Variants in SEC24A observed in about 807,000 individuals in gnomAD.
The protein encoded by SEC24A is protein transport protein Sec24A.
In SEC24A, 93 loss-of-function variants were observed where a neutral mutation model predicts 129.4. The observed-to-expected ratio is 0.72, with a 90% confidence interval of 0.61 to 0.85. The LOEUF is 0.85. Ranked by LOEUF, SEC24A falls within the 40% of genes least tolerant of loss-of-function variation. The pLI, the probability that SEC24A is intolerant of heterozygous loss-of-function variation, is 0.00. For missense variants in SEC24A, 1,264 were observed against 1,307.4 expected (o/e 0.97, Z 0.51); for synonymous variants, 460 against 467.3 (o/e 0.98, Z 0.20).
chr5:134,714,829 A>G (rs1752431338), intron 18 of SEC24A, among the ~76,000 whole-genome samples, 195 bp from the exon 19 acceptor site: 1 of 152,212 alleles, frequency 6.6e-6, no homozygotes, highest in South Asian at 2.1e-4. Flanking sequence ...AGTTAATTTC[A>G]AAAGACTTTT....
chr5:134,686,864 G>T lies in SEC24A; in HGVS notation c.1566G>T (p.Leu522Phe), dbSNP rs762314911. The change falls in exon 10 of 23, where the codon TTG (leucine) becomes TTT (phenylalanine). Residue 522 changes from leucine to phenylalanine, a missense_variant. Leu to Phe is a conservative substitution (Grantham distance 22, BLOSUM62 0). Coordinates refer to ENST00000398844, the MANE Select transcript of SEC24A (RefSeq NM_021982.3). Reference sequence around the variant, plus strand: ...ACAATGCAGTCGAAACTGGATACTTGAATTCAGTTTGCCAGAGTTTGTTAG... The same window carrying T: ...ACAATGCAGTCGAAACTGGATACTTTAATTCAGTTTGCCAGAGTTTGTTAG... Reference protein sequence around the residue: ...VSHNAVETGYLNSVCQSLLDN... With the variant: ...VSHNAVETGYFNSVCQSLLDN... 4 of 1,610,226 alleles carry T rather than the reference G, an allele frequency of 2.5e-6. No homozygotes were observed. Among genetic ancestry groups the T allele is most frequent in the Non-Finnish European group, 3.4e-6 (4 of 1,178,036 alleles).
chr5:134,659,339 TGGGATTATA>T (rs894374500), intron 1 of SEC24A, among the ~76,000 whole-genome samples: 3 of 152,142 alleles, frequency 2.0e-5, no homozygotes, highest in Admixed American at 2.0e-4. Context: ...CCCAAAGTGC[TGGGATTATA>T]GGCGTGAGCC....
At chr5:134,694,121 T>C (rs190286628) in intron 13 of SEC24A, among the ~76,000 whole-genome samples, 188 bp downstream of exon 13, 39 of 152,324 alleles carry the variant, frequency 2.6e-4, no homozygotes, top group African/African-American at 7.7e-4. Context: ...CCTTAATTTT[T>C]AGTATCTTTA....
At position 134,666,972 on chromosome 5, in the gene SEC24A, T is replaced by C. The variant is rs1188874479; in HGVS notation, c.715T>C (p.Phe239Leu). 5 of 1,578,092 alleles carry C rather than the reference T, an allele frequency of 3.2e-6. No homozygotes were observed. Among genetic ancestry groups the C allele is most frequent in the Non-Finnish European group, 4.3e-6 (5 of 1,168,202 alleles). Residue 239 changes from phenylalanine to leucine, a missense_variant, in exon 3 of 23, where the codon TTT (phenylalanine) becomes CTT (leucine). By Grantham distance (22) the Phe-to-Leu change is conservative (BLOSUM62 0). Transcript: ENST00000398844. ...ATATAGAGATGTACCCCAGCCCTTA[T>C]TTAATTCAGCTGTCAACCAAGAAGG... ...SSYRDVPQPL[F>L]NSAVNQEGIT...
chr5:134,693,262 TAC>T (rs2150097407), intron 12 of SEC24A: 1 of 1,453,132 alleles, frequency 6.9e-7, no homozygotes, highest in South Asian at 1.4e-5. Context: ...ACTCTATTTG[TAC>T]AACCTAACCT....
chr5:134,696,877 C>T (rs895600713), intron 13 of SEC24A, among the ~76,000 whole-genome samples: 2 of 151,876 alleles, frequency 1.3e-5, no homozygotes, highest in African/African-American at 4.8e-5. Flanking sequence ...GTCCACCCGC[C>T]TTGGCTTCCC....
intron 17 of SEC24A, among the ~76,000 whole-genome samples, chr5:134,707,476 C>T (rs1020485966): frequency 1.3e-5 from 2 of 151,868 alleles, no homozygotes; most frequent in Non-Finnish European, 2.9e-5. Flanking sequence ...ACTACAGGCG[C>T]CCGCCATCAC....
At chr5:134,659,676 A>G (rs1354459389) in intron 1 of SEC24A, among the ~76,000 whole-genome samples, 1 of 142,454 alleles carries the variant, frequency 7.0e-6, no homozygotes, top group Admixed American at 7.3e-5. Flanking sequence ...GAGACAGGAT[A>G]CAGGGTCTCA....
intron 13 of SEC24A, among the ~76,000 whole-genome samples, chr5:134,694,503 CG>C (rs1004453259): frequency 2.0e-5 from 3 of 151,852 alleles, no homozygotes; most frequent in African/African-American, 7.3e-5. Flanking sequence ...AAAAATTAGC[CG>C]GGTGTGGTGG....
At chr5:134,667,660 A>C (rs527600806) in intron 3 of SEC24A, among the ~76,000 whole-genome samples, 6 of 151,046 alleles carry the variant, frequency 4.0e-5, no homozygotes, top group East Asian at 1.9e-4. Context: ...TCTCAAAAAA[A>C]AAAAAAAACA....
chr5:134,653,982 C>A (rs1395542417), intron 1 of SEC24A, among the ~76,000 whole-genome samples: 2 of 151,902 alleles, frequency 1.3e-5, no homozygotes, highest in East Asian at 3.9e-4. Context: ...CATAGGAAGA[C>A]CCCATATCTA....
intron 21 of SEC24A, among the ~76,000 whole-genome samples, chr5:134,721,561 C>CAAAAAA (rs757908828): frequency 1.8e-5 from 1 of 55,416 alleles, no homozygotes; most frequent in Admixed American, 2.1e-4. Flanking sequence ...GACTCCATCT[C>CAAAAAA]AAAAAAAAAA....
At chr5:134,706,492 G>A (rs927450960) in intron 17 of SEC24A, among the ~76,000 whole-genome samples, 68 of 151,950 alleles carry the variant, frequency 4.5e-4, no homozygotes, top group African/African-American at 1.2e-3. Flanking sequence ...GACTTCAGTC[G>A]GTCCATTTTC....
intron 1 of SEC24A, among the ~76,000 whole-genome samples, chr5:134,656,978 A>G (rs1266436553): frequency 6.6e-6 from 1 of 151,374 alleles, no homozygotes; most frequent in Non-Finnish European, 1.5e-5. Context: ...TGAGCCCAGG[A>G]GTTCGAGACC....
At position 134,715,100 on chromosome 5, in the gene SEC24A, T is replaced by C. The variant is rs771534637; in HGVS notation, c.2804T>C (p.Leu935Ser). Residue 935 changes from leucine to serine, a missense_variant, in exon 19 of 23, where the codon TTG (leucine) becomes TCG (serine). By Grantham distance (145) the Leu-to-Ser change is moderately radical. Coordinates refer to ENST00000398844, the MANE Select transcript of SEC24A (RefSeq NM_021982.3). ...FAMCQVKNQPLVYLMLTTHPS... is the reference protein window; with the variant it reads ...FAMCQVKNQPSVYLMLTTHPS... ...ATGTGTCAAGTGAAAAACCAGCCCT[T>C]GGTTTACCTTATGCTCACAACTCAT... 9.3e-6 allele frequency: 15 copies of C among 1,612,268 alleles called. No individual in the cohort carries two copies. The highest frequency in any genetic ancestry group is 3.4e-5 in the Admixed American group (2 of 59,528).
chr5:134,703,653 A>G (rs182323638), intron 15 of SEC24A, 106 bp from the exon 16 acceptor site: 2 of 725,776 alleles, frequency 2.8e-6, no homozygotes, highest in Non-Finnish European at 4.8e-6. Flanking sequence ...ACTGTGTATT[A>G]TCTAGATTTC....
chr5:134,681,728 A>G (rs888830837), intron 8 of SEC24A, among the ~76,000 whole-genome samples: 1 of 152,172 alleles, frequency 6.6e-6, no homozygotes, highest in Non-Finnish European at 1.5e-5. Flanking sequence ...GACAGATACA[A>G]TGATAATTAA....
At chr5:134,674,279 G>A (rs1287406820) in intron 4 of SEC24A, among the ~76,000 whole-genome samples, 1 of 152,088 alleles carries the variant, frequency 6.6e-6, no homozygotes, top group East Asian at 1.9e-4. Context: ...TAACTTATTA[G>A]ATTTATGTGT....
chr5:134,705,351 C>CTT lies in SEC24A; in HGVS notation c.2467_2468dup (p.Leu823PhefsTer6), dbSNP rs1752130085. The CTT allele has an allele frequency of 6.2e-7, 1 of 1,613,150 alleles. No individual in the cohort carries two copies. The highest frequency in any genetic ancestry group is 8.5e-7 in the Non-Finnish European group (1 of 1,179,514). On this transcript the variant is annotated frameshift_variant, in exon 17 of 23. Coordinates refer to ENST00000398844, the MANE Select transcript of SEC24A (RefSeq NM_021982.3). LOFTEE classifies it high-confidence loss of function. ...GGCGAAAGAAGAATTCGTGTTCATA[C>CTT]TTTGTGTTTGCCAGTAGTTTCGACT...
Sources: allele counts gnomAD v4.1 joint callset (sites outside exome capture counted in the v4.1 genomes callset), GRCh38; gene constraint gnomAD v4.1.1; transcripts MANE v1.5; gene names NCBI Gene and HGNC (gene_info 2026-07-23, HGNC 2026-07-21).